FBN1: variants seen among roughly 807,000 people sequenced by gnomAD.
FBN1 encodes the protein fibrillin 1, also known as fibrillin-1.
A neutral mutation model predicts 365.1 loss-of-function variants in FBN1; 29 were observed. The observed-to-expected ratio is 0.08, with a 90% CI of 0.06 to 0.11. The LOEUF (loss-of-function observed/expected upper bound fraction) is 0.11. Ranked by LOEUF, FBN1 falls within the 10% of genes least tolerant of loss-of-function variation. FBN1 has a pLI of 1.00. For synonymous variants in FBN1, 1,210 were observed against 1,270.5 expected (o/e 0.95, Z 1.01); for missense variants, 2,476 against 3,703.2 (o/e 0.67, Z 8.60).
intron 17 of FBN1, among the ~76,000 whole-genome samples, chr15:48,501,431 T>G (rs2043656442): frequency 6.6e-6 from 1 of 152,238 alleles, no homozygotes; most frequent in Non-Finnish European, 1.5e-5. Flanking sequence ...CCACAGATGC[T>G]GGCACCTTGA....
chr15:48,551,010 A>G (rs557397003), intron 6 of FBN1, among the ~76,000 whole-genome samples: 1 of 152,190 alleles, frequency 6.6e-6, no homozygotes, highest in African/African-American at 2.4e-5. Flanking sequence ...GCAAAATGAC[A>G]TATCTTTAAG....
chr15:48,613,168 A>C lies in FBN1; in HGVS notation c.165-76T>G, dbSNP rs550661069. 7.5e-5 allele frequency: 86 copies of C among 1,149,422 alleles called. 1 individual carries two copies. The South Asian group carries it at 7.7e-4, about 10-fold the overall frequency. 71.2% of individuals were successfully genotyped at this position (1,149,422 alleles called of 1,614,324 possible). A position where few individuals can be genotyped will look rare whatever the true frequency, so the allele number is the denominator to read the frequency against. On this transcript the variant is annotated intron_variant, in intron 2 of 65. Coordinates refer to ENST00000316623, the MANE Select transcript of FBN1 (RefSeq NM_000138.5). ...AGAGATGGCCAAATAAAAGGAAAAAAAATTCCTGAGTTATAAAAGCAAGAT... is the reference window on the plus strand; with the variant it reads ...AGAGATGGCCAAATAAAAGGAAAAACAATTCCTGAGTTATAAAAGCAAGAT...
intron 2 of FBN1, among the ~76,000 whole-genome samples, chr15:48,613,836 G>A (rs546875170): frequency 1.2e-4 from 19 of 152,258 alleles, no homozygotes; most frequent in Admixed American, 5.9e-4. Context: ...GCTGAGGCAC[G>A]AGAATCGCTT....
intron 2 of FBN1, among the ~76,000 whole-genome samples, chr15:48,632,238 T>C (rs1469602786): frequency 6.6e-6 from 1 of 152,228 alleles, no homozygotes; most frequent in Non-Finnish European, 1.5e-5. Flanking sequence ...TTTCTTAATA[T>C]AATCATTTCT....
At chr15:48,498,956 A>G (rs766754607) in intron 18 of FBN1, 29 bp downstream of exon 18, 15 of 1,608,734 alleles carry the variant, frequency 9.3e-6, no homozygotes, top group South Asian at 1.1e-5. Context: ...CACATACTGA[A>G]GGTAGTAAAT....
At chr15:48,596,712 G>A (rs2044518920) in intron 5 of FBN1, among the ~76,000 whole-genome samples, 1 of 152,232 alleles carries the variant, frequency 6.6e-6, no homozygotes, top group Non-Finnish European at 1.5e-5. Context: ...TTTTGCTTAT[G>A]ATTTACGTTT....
Position 48,490,039 on chromosome 15 carries a change from T to G in FBN1, c.2894A>C (p.Glu965Ala), listed in dbSNP as rs1233890748. 1 of 1,614,106 alleles carries G rather than the reference T, an allele frequency of 6.2e-7. No individual in the cohort carries two copies. The highest frequency in any genetic ancestry group is 1.1e-5 in the South Asian group (1 of 91,074). ...LETCFLRYEDEECTLPIAGRH... is the reference protein window; with the variant it reads ...LETCFLRYEDAECTLPIAGRH... The stretch of plus-strand genomic sequence containing the variant: ...GCCAGCAATAGGCAGGGTGCACTCC[T>G]CGTCCTCGTACCTCAGGAAGCAGGT... Residue 965 changes from glutamate (E) to alanine (A), a missense_variant, in exon 25 of 66, where the codon GAG becomes GCG. Transcript: ENST00000316623.
chr15:48,600,573 G>C (rs1406870934), intron 4 of FBN1, among the ~76,000 whole-genome samples: 1 of 152,114 alleles, frequency 6.6e-6, no homozygotes, highest in Non-Finnish European at 1.5e-5. Context: ...GCGTAATGGC[G>C]CATGCCTGTA....
rs1196025616 is a variant in FBN1, at chr15:48,539,705, C to CTAAG, written c.539-1901_539-1898dup. Among the ~76,000 whole-genome samples, 6 of 152,214 alleles carry CTAAG rather than the reference C, an allele frequency of 3.9e-5. No individual in the cohort carries two copies. In the East Asian group the frequency reaches 1.2e-3, roughly 29 times the overall value. ...AGACTCACCATGCCAAAAGACAAGC[C>CTAAG]TAAGACCTCTGTGTCCCTCTTCTCT... On this transcript the variant is annotated intron_variant, in intron 6 of 65. Coordinates refer to ENST00000316623, the MANE Select transcript of FBN1 (RefSeq NM_000138.5).
intron 9 of FBN1, among the ~76,000 whole-genome samples, chr15:48,523,087 A>G (rs190392328): frequency 5.9e-5 from 9 of 152,376 alleles, no homozygotes; most frequent in East Asian, 1.9e-4. Context: ...AATACTTTAT[A>G]TACTTGGGAA....
intron 44 of FBN1, among the ~76,000 whole-genome samples, chr15:48,455,397 G>T (rs894530228): frequency 6.6e-6 from 1 of 152,156 alleles, no homozygotes; most frequent in Non-Finnish European, 1.5e-5. Context: ...TGGTTAAAAG[G>T]TACCTGGGTA....
chr15:48,469,644 G>A (rs887350912), intron 36 of FBN1, among the ~76,000 whole-genome samples: 6 of 152,038 alleles, frequency 3.9e-5, no homozygotes, highest in East Asian at 3.9e-4. Context: ...TGCGGGTTGC[G>A]CTGCAGATGA....
At chr15:48,573,977 T>G (rs1291312191) in intron 6 of FBN1, among the ~76,000 whole-genome samples, 2 of 152,168 alleles carry the variant, frequency 1.3e-5, no homozygotes, top group Admixed American at 6.5e-5. Context: ...TGGCTGAGGG[T>G]TAGGCCTCTT....
intron 54 of FBN1, among the ~76,000 whole-genome samples, chr15:48,433,938 C>T (rs1466228894): frequency 6.6e-6 from 1 of 152,188 alleles, no homozygotes; most frequent in Non-Finnish European, 1.5e-5. Context: ...GGCTCCACCC[C>T]ACTCTCGGAG....
At chr15:48,449,281 T>C (rs911123842) in intron 45 of FBN1, among the ~76,000 whole-genome samples, 7 of 152,244 alleles carry the variant, frequency 4.6e-5, no homozygotes, top group African/African-American at 1.7e-4. Flanking sequence ...GGATAGTTCA[T>C]GGCTTCCTTT....
intron 6 of FBN1, among the ~76,000 whole-genome samples, chr15:48,595,071 C>T (rs1357131742): frequency 6.6e-6 from 1 of 152,250 alleles, no homozygotes; most frequent in East Asian, 1.9e-4. Flanking sequence ...CATTACACAT[C>T]AATACCATGC....
At chr15:48,464,869 G>A (rs1003647411) in intron 40 of FBN1, among the ~76,000 whole-genome samples, 1 of 152,210 alleles carries the variant, frequency 6.6e-6, no homozygotes, top group Admixed American at 6.5e-5. Context: ...TCTTAGAGCT[G>A]TGCCATATAC....
At chr15:48,595,096 T>C (rs1181804801) in intron 6 of FBN1, among the ~76,000 whole-genome samples, 6 of 152,242 alleles carry the variant, frequency 3.9e-5, no homozygotes, top group Non-Finnish European at 8.8e-5. Context: ...GTCCCATTAA[T>C]AGAGATACAA....
At chr15:48,465,545 A>G (rs2043313488) in intron 40 of FBN1, 23 bp downstream of exon 40, 1 of 1,613,918 alleles carries the variant, frequency 6.2e-7, no homozygotes, top group South Asian at 1.1e-5. Flanking sequence ...GCAAGACCTT[A>G]TCATCCTACC....
Sources: allele counts gnomAD v4.1 joint callset (sites outside exome capture counted in the v4.1 genomes callset), GRCh38; gene constraint gnomAD v4.1.1; transcripts MANE v1.5; gene names NCBI Gene and HGNC (gene_info 2026-07-23, HGNC 2026-07-21).